The following MN1 variants were observed in gnomAD, a reference collection of about 807,000 sequenced individuals.
MN1 encodes the protein transcriptional activator MN1.
A neutral mutation model predicts 86.9 loss-of-function variants in MN1; 19 were observed. The ratio of observed to expected loss-of-function variants is 0.22; its 90% CI spans 0.15 to 0.32. The LOEUF is 0.32. Ranked by LOEUF, MN1 falls within the 10% of genes least tolerant of loss-of-function variation. MN1 has a pLI of 1.00. For missense variants in MN1, 1,841 were observed against 1,862.0 expected (o/e 0.99, Z 0.21); for synonymous variants, 928 against 849.6 (o/e 1.09, Z -1.60).
intron 1 of MN1, among the ~76,000 whole-genome samples, chr22:27,777,969 G>A (rs139917136): frequency 2.4e-4 from 37 of 152,168 alleles, no homozygotes; most frequent in African/African-American, 8.4e-4. Context: ...CAAAGCAGTG[G>A]GAACAGCTAC....
chr22:27,784,021 T>G (rs1019203889), intron 1 of MN1, among the ~76,000 whole-genome samples: 13 of 152,144 alleles, frequency 8.5e-5, no homozygotes. Context: ...GAATTTCCAT[T>G]CCTCCCAAAA....
At chr22:27,790,353 T>A (rs1933193839) in intron 1 of MN1, among the ~76,000 whole-genome samples, 1 of 152,216 alleles carries the variant, frequency 6.6e-6, no homozygotes. Flanking sequence ...CAGGTGAGGC[T>A]GCATGCTGTC....
At chr22:27,756,270 CT>C (rs1568970401) in intron 1 of MN1, among the ~76,000 whole-genome samples, 1 of 152,190 alleles carries the variant, frequency 6.6e-6, no homozygotes, top group African/African-American at 2.4e-5. Context: ...GCCGAGTTTT[CT>C]TTTTTTCTTT....
At chr22:27,770,341 TGAAA>T (rs1413332351) in intron 1 of MN1, among the ~76,000 whole-genome samples, 2 of 152,200 alleles carry the variant, frequency 1.3e-5, no homozygotes, top group Admixed American at 1.3e-4. Flanking sequence ...ATTTCCAGGT[TGAAA>T]CACTGAGGCT....
intron 1 of MN1, among the ~76,000 whole-genome samples, chr22:27,784,405 C>T (rs926398557): frequency 2.0e-5 from 3 of 152,170 alleles, no homozygotes; most frequent in South Asian, 2.1e-4. Context: ...AAAACACAAC[C>T]GCCATTACCA....
At position 27,787,225 on chromosome 22, in the gene MN1, T is replaced by C. The variant is rs184509461; in HGVS notation, c.3781+9538A>G. On this transcript the variant is annotated intron_variant, in intron 1 of 1. Transcript: ENST00000302326. ...TGCCCAGACAATTTAGAAATAGTCA[T>C]GGCATAAGGATCGTGAAATTGCTCC... Among the ~76,000 whole-genome samples the C allele has an allele frequency of 8.5e-5, 13 of 152,374 alleles. No individual in the cohort carries two copies. The East Asian group carries it at 1.7e-3, about 20-fold the overall frequency.
rs904721668 is a variant in MN1, at chr22:27,797,895, A to G, written c.2649T>C (p.Thr883=). 6 of 1,598,168 alleles carry G rather than the reference A, an allele frequency of 3.8e-6. No homozygotes were observed. In the East Asian group the frequency reaches 9.0e-5, roughly 24 times the overall value. The change falls in exon 1 of 2, where the codon ACT becomes ACC. Residue 883 remains threonine, a synonymous_variant. Transcript: ENST00000302326. The stretch of plus-strand genomic sequence containing the variant: ...CTCCGGGTCCTGGGGCCCCAGGAGC[A>G]GTCCCTCCTGGGAAGTAATCCGAGC... ...NPGSDYFPGG[T]APGAPGPGGP...
At chr22:27,775,509 T>C (rs1261641748) in intron 1 of MN1, among the ~76,000 whole-genome samples, 2 of 152,188 alleles carry the variant, frequency 1.3e-5, no homozygotes, top group African/African-American at 2.4e-5. Context: ...GACGAGGTTA[T>C]AGCAGTGCAT....
At chr22:27,788,223 G>A (rs1478859454) in intron 1 of MN1, among the ~76,000 whole-genome samples, 2 of 151,984 alleles carry the variant, frequency 1.3e-5, no homozygotes, top group East Asian at 1.9e-4. Flanking sequence ...GAGAAAATAC[G>A]CCGCACCCCA....
At position 27,797,072 on chromosome 22, in the gene MN1, C is replaced by A; in HGVS notation, c.3472G>T (p.Ala1158Ser). Reference sequence around the variant, plus strand: ...TGCTGCCTCTGTAGCTGGATCTGCGCCTGAAGGATCTCCAGGGGGTGGATC... The same window carrying A: ...TGCTGCCTCTGTAGCTGGATCTGCGACTGAAGGATCTCCAGGGGGTGGATC... ...DEIHPLEILQ[A>S]QIQLQRQQFS... The change falls in exon 1 of 2, where the codon GCG (alanine) becomes TCG (serine). Residue 1158 changes from alanine (A) to serine (S), a missense_variant. Physicochemically the swap from Ala to Ser is moderately conservative, Grantham distance 99. Coordinates refer to ENST00000302326, the MANE Select transcript of MN1 (RefSeq NM_002430.3). 5 of 1,611,760 alleles carry A rather than the reference C, an allele frequency of 3.1e-6. No individual in the cohort carries two copies. Among genetic ancestry groups the A allele is most frequent in the Non-Finnish European group, 4.2e-6 (5 of 1,179,410 alleles).
At position 27,750,343 on chromosome 22, in the gene MN1, G is replaced by A. The variant is rs1204708709; in HGVS notation, c.*572C>T. ...GGCTCCTGCCTGACTGATGACACTG[G>A]GGTGTCAATATATAACATTGTGATG... On this transcript the variant is annotated 3_prime_UTR_variant, in exon 2 of 2. Coordinates refer to ENST00000302326, the MANE Select transcript of MN1 (RefSeq NM_002430.3). 1 of 231,206 alleles carries A rather than the reference G, an allele frequency of 4.3e-6. No individual in the cohort carries two copies. The highest frequency in any genetic ancestry group is 2.2e-5 in the African/African-American group (1 of 45,198). 14.3% of individuals were successfully genotyped at this position (231,206 alleles called of 1,614,324 possible).
chr22:27,761,116 T>C (rs1932831602), intron 1 of MN1, among the ~76,000 whole-genome samples: 1 of 152,118 alleles, frequency 6.6e-6, no homozygotes, highest in South Asian at 2.1e-4. Context: ...GAAACATCAT[T>C]GGCCAAAGTG....
intron 1 of MN1, among the ~76,000 whole-genome samples, chr22:27,792,880 G>C (rs530373506): frequency 6.6e-6 from 1 of 152,190 alleles, no homozygotes; most frequent in South Asian, 2.1e-4. Context: ...CTGAGGCTAG[G>C]ACCTACCTGC....
rs1202631953 is a variant in MN1, at chr22:27,800,389, A to G, written c.155T>C (p.Met52Thr). 6.2e-7 allele frequency: 1 copy of G among 1,613,386 alleles called. No homozygotes were observed. The highest frequency in any genetic ancestry group is 1.7e-5 in the Admixed American group (1 of 59,990). ...GATCGGGGGTTCGCCCAGCGCGCTC[A>G]TAGCAGGATCCACAGGGCCAGGGGG... ...GGPPGPVDPAMSALGEPPILG... is the reference protein window; with the variant it reads ...GGPPGPVDPATSALGEPPILG... The change falls in exon 1 of 2, where the codon ATG becomes ACG. Residue 52 changes from methionine (M) to threonine (T), a missense_variant. Transcript: ENST00000302326.
At chr22:27,782,894 T>C (rs1025206542) in intron 1 of MN1, among the ~76,000 whole-genome samples, 2 of 152,116 alleles carry the variant, frequency 1.3e-5, no homozygotes, top group African/African-American at 4.8e-5. Context: ...TTTCCTCTTG[T>C]CAATTTTATC....
chr22:27,781,670 C>T (rs933949108), intron 1 of MN1, among the ~76,000 whole-genome samples: 1 of 152,172 alleles, frequency 6.6e-6, no homozygotes, highest in Non-Finnish European at 1.5e-5. Flanking sequence ...CCACAGCAAC[C>T]CTCTGAGAGG....
intron 1 of MN1, among the ~76,000 whole-genome samples, chr22:27,784,490 C>A (rs1933095011): frequency 6.6e-6 from 1 of 152,106 alleles, no homozygotes; most frequent in African/African-American, 2.4e-5. Context: ...AACTAGGACA[C>A]CAGTTTTTGC....
Position 27,799,535 on chromosome 22 carries a change from A to C in MN1, c.1009T>G (p.Leu337Val). The C allele has an allele frequency of 6.9e-7, 1 of 1,457,028 alleles. No individual in the cohort carries two copies. Among genetic ancestry groups the C allele is most frequent in the Non-Finnish European group, 9.1e-7 (1 of 1,103,638 alleles). The allele number at this position is 1,457,028 out of a possible 1,614,324, so 90.3% of individuals were successfully genotyped here. The change falls in exon 1 of 2, where the codon TTA becomes GTA. Residue 337 changes from leucine to valine, a missense_variant. By Grantham distance (32) the Leu-to-Val change is conservative. Transcript: ENST00000302326. The part of the protein sequence containing the change: ...LEPSVGSRHP[L>V]MQPPQQAPPP... ...GGGGCCTGCTGGGGAGGCTGCATTA[A>C]CGGGTGCCTGGAGCCCACTGAGGGC...
rs539053914 is a variant in MN1 at position 27,773,994 on chromosome 22, C to T, written c.3781+22769G>A. ...ACATGAGTATCTCTCGCCACCCCCA[C>T]GGTGCCCTCTCAGTGGTAGGGGCTC... On this transcript the variant is annotated intron_variant, in intron 1 of 1. Coordinates refer to ENST00000302326, the MANE Select transcript of MN1 (RefSeq NM_002430.3). 4.6e-5 allele frequency among the ~76,000 whole-genome samples: 7 copies of T among 152,232 alleles called. No individual in the cohort carries two copies. In the East Asian group the frequency reaches 1.4e-3, roughly 29 times the overall value.
Sources: gnomAD v4.1 joint callset for allele counts (sites outside exome capture counted in the v4.1 genomes callset) on GRCh38, gnomAD v4.1.1 for gene constraint, MANE v1.5 for transcripts, NCBI Gene and HGNC (gene_info 2026-07-23, HGNC 2026-07-21) for gene names.